Variants in TCP11L2 observed in about 807,000 individuals in gnomAD.
TCP11L2 encodes the protein t-complex 11 like 2.
A neutral mutation model predicts 50.7 loss-of-function variants in TCP11L2; 39 were observed. That is an observed-to-expected ratio of 0.77 (90% CI 0.60 to 1.01). TCP11L2 has a LOEUF of 1.01. Ranked by LOEUF, TCP11L2 falls within the 50% of genes least tolerant of loss-of-function variation. The pLI is 0.00. For synonymous variants in TCP11L2, 192 were observed against 219.3 expected (o/e 0.88, Z 1.10); for missense variants, 612 against 614.7 (o/e 1.00, Z 0.05).
rs1361405512 is a variant in TCP11L2 at position 106,320,330 on chromosome 12, G to A, written c.415-1156G>A. Among the ~76,000 whole-genome samples the A allele has an allele frequency of 6.6e-5, 10 of 152,074 alleles. 1 individual carries two copies. Among genetic ancestry groups the A allele is most frequent in the Middle Eastern group, 3.4e-3 (1 of 294 alleles). On this transcript the variant is annotated intron_variant, in intron 4 of 9. Transcript: ENST00000299045. ...GGAGAATCTCTTGAACCTGGGAGGC[G>A]GAGATTGCAGTGAGCCAAGATCACA... is the stretch of plus-strand genomic sequence containing the variant.
chr12:106,310,329 A>G (rs917900730), intron 1 of TCP11L2, among the ~76,000 whole-genome samples: 6 of 152,178 alleles, frequency 3.9e-5, no homozygotes, highest in African/African-American at 1.4e-4. Flanking sequence ...TAAATTGTCA[A>G]ATCCTAACCA....
intron 4 of TCP11L2, among the ~76,000 whole-genome samples, chr12:106,320,751 A>G (rs923367912): frequency 2.0e-5 from 3 of 152,378 alleles, no homozygotes; most frequent in Non-Finnish European, 4.4e-5. Context: ...ATAAAAATTC[A>G]TAAAGTCTTC....
intron 6 of TCP11L2, among the ~76,000 whole-genome samples, chr12:106,331,560 T>A (rs962913836): frequency 2.0e-5 from 3 of 152,244 alleles, no homozygotes; most frequent in Non-Finnish European, 4.4e-5. Context: ...TTAGGGGACA[T>A]TTCCTTTGTG....
chr12:106,333,857 T>C (rs1411100966), intron 6 of TCP11L2, among the ~76,000 whole-genome samples: 1 of 152,148 alleles, frequency 6.6e-6, no homozygotes, highest in African/African-American at 2.4e-5. Context: ...GCATCTCTGC[T>C]CAACTTCATA....
At chr12:106,325,266 C>T (rs2035495920) in intron 6 of TCP11L2, 2 of 152,178 alleles carry the variant, frequency 1.3e-5, no homozygotes, top group African/African-American at 2.4e-5. Context: ...CATTATATTA[C>T]ACTGGGTGAG....
intron 4 of TCP11L2, among the ~76,000 whole-genome samples, chr12:106,321,057 G>A (rs930754008): frequency 2.0e-5 from 3 of 152,098 alleles, no homozygotes; most frequent in African/African-American, 7.3e-5. Context: ...TAGAAGTTTG[G>A]TGATTTTTTT....
At chr12:106,306,407 G>A (rs2034635160) in intron 1 of TCP11L2, among the ~76,000 whole-genome samples, 1 of 152,006 alleles carries the variant, frequency 6.6e-6, no homozygotes, top group Admixed American at 6.6e-5. Context: ...ATATGTCATG[G>A]CCCTTTATTC....
chr12:106,318,535 C>T (rs754260834), intron 4 of TCP11L2, 71 bp downstream of exon 4: 3 of 1,580,398 alleles, frequency 1.9e-6, no homozygotes, highest in East Asian at 2.3e-5. Flanking sequence ...ACTGGCATAG[C>T]CTGGGTGGCT....
At chr12:106,320,988 G>A (rs1262870176) in intron 4 of TCP11L2, among the ~76,000 whole-genome samples, 1 of 152,032 alleles carries the variant, frequency 6.6e-6, no homozygotes, top group Non-Finnish European at 1.5e-5. Flanking sequence ...AATTTTTCTT[G>A]TATGTATAGC....
rs894833371 is a variant in TCP11L2 at position 106,346,343 on chromosome 12, G to A, written c.1373G>A (p.Cys458Tyr). Residue 458 changes from cysteine (C) to tyrosine (Y), a missense_variant, in exon 10 of 10, where the codon TGC (cysteine) becomes TAC (tyrosine). Physicochemically the swap from Cys to Tyr is radical, Grantham distance 194 (BLOSUM62 -2). Transcript: ENST00000299045. ...CTTTGTCTTCCAAGCCCTCAAAAAT[G>A]CATGCCTCCTATGCCAGGAGGCCTA... ...RLLCLPSPQK[C>Y]MPPMPGGLAV... The A allele has an allele frequency of 1.9e-6, 3 of 1,613,846 alleles. No individual in the cohort carries two copies. In the African/African-American group the frequency reaches 4.0e-5, roughly 22 times the overall value.
chr12:106,319,736 A>G lies in TCP11L2; in HGVS notation c.414+1272A>G, dbSNP rs1056037173. 8.5e-5 allele frequency among the ~76,000 whole-genome samples: 13 copies of G among 152,358 alleles called. No individual in the cohort carries two copies. The East Asian group carries it at 2.5e-3, about 29-fold the overall frequency. On this transcript the variant is annotated intron_variant, in intron 4 of 9. Coordinates refer to ENST00000299045, the MANE Select transcript of TCP11L2 (RefSeq NM_152772.3). ...TTGCTCCTGTTATTCTTATTTATTAAAAATCCAAGTTTTCTGACTCATCCA... is the reference window on the plus strand; with the variant it reads ...TTGCTCCTGTTATTCTTATTTATTAGAAATCCAAGTTTTCTGACTCATCCA...
At chr12:106,317,638 T>C (rs529226995) in intron 3 of TCP11L2, among the ~76,000 whole-genome samples, 51 of 152,380 alleles carry the variant, frequency 3.3e-4, no homozygotes, top group Middle Eastern at 3.4e-3. Context: ...GGAGGACTTA[T>C]GGCCTCTGCT....
chr12:106,313,319 T>C (rs914539030), intron 2 of TCP11L2, among the ~76,000 whole-genome samples: 2 of 152,128 alleles, frequency 1.3e-5, no homozygotes, highest in African/African-American at 4.8e-5. Context: ...GTGCGGTGGC[T>C]TACACCTGTA....
chr12:106,320,664 A>G (rs1218526627), intron 4 of TCP11L2, among the ~76,000 whole-genome samples: 3 of 152,218 alleles, frequency 2.0e-5, no homozygotes, highest in South Asian at 2.1e-4. Flanking sequence ...CTGAGCTGCC[A>G]TGGTAGGCTC....
intron 9 of TCP11L2, among the ~76,000 whole-genome samples, chr12:106,341,650 C>G (rs1007818868): frequency 2.6e-5 from 4 of 152,232 alleles, no homozygotes; most frequent in Middle Eastern, 3.2e-3. Context: ...CCAGCTGTCA[C>G]TGGCACTAGT....
intron 3 of TCP11L2, among the ~76,000 whole-genome samples, chr12:106,316,623 A>G (rs1049489233): frequency 6.6e-6 from 1 of 152,172 alleles, no homozygotes; most frequent in Non-Finnish European, 1.5e-5. Context: ...CAGTGAAATC[A>G]GCACCCTCTC....
chr12:106,298,502 A>AT (rs796634549), upstream of TCP11L2, among the ~76,000 whole-genome samples: 10 of 152,054 alleles, frequency 6.6e-5, no homozygotes, highest in South Asian at 2.1e-4. Context: ...TTTGAAAAAC[A>AT]TTTTTTTTAA....
At chr12:106,345,788 A>C (rs1393658896) in intron 9 of TCP11L2, among the ~76,000 whole-genome samples, 1 of 152,088 alleles carries the variant, frequency 6.6e-6, no homozygotes, top group Non-Finnish European at 1.5e-5. Flanking sequence ...TGAACTCACT[A>C]ATGTATTTGT....
At chr12:106,302,330 A>C (rs1197762241), upstream of TCP11L2, among the ~76,000 whole-genome samples, 14 of 7,428 alleles carry the variant, frequency 1.9e-3, 1 homozygote, top group East Asian at 3.7e-3. Context: ...CCCCCCGCTC[A>C]GCCCCCGCTC....
Sources: gnomAD v4.1 joint callset for allele counts (sites outside exome capture counted in the v4.1 genomes callset) on GRCh38, gnomAD v4.1.1 for gene constraint, MANE v1.5 for transcripts, NCBI Gene and HGNC (gene_info 2026-07-23, HGNC 2026-07-21) for gene names.